The following BORCS5 variants were observed in gnomAD, a reference collection of about 807,000 sequenced individuals.
BORCS5 encodes the protein BLOC-1 related complex subunit 5.
In BORCS5, 17 loss-of-function variants were observed where a neutral mutation model predicts 22.1. The ratio of observed to expected loss-of-function variants is 0.77; its 90% CI spans 0.53 to 1.15. The LOEUF (loss-of-function observed/expected upper bound fraction) is 1.15, where lower values mean the gene tolerates loss of function less well. BORCS5 is among the 50% of genes most tolerant of loss of function. BORCS5 has a pLI of 0.00. For missense variants in BORCS5, 247 were observed against 253.2 expected (o/e 0.98, Z 0.17); for synonymous variants, 117 against 99.8 (o/e 1.17, Z -1.03).
At chr12:12,391,884 A>AC (rs1941197022) in intron 2 of BORCS5, among the ~76,000 whole-genome samples, 1 of 141,770 alleles carries the variant, frequency 7.1e-6, no homozygotes, top group Admixed American at 7.0e-5. Context: ...AAAAAAAAAA[A>AC]AACGCTAAAA....
At chr12:12,374,474 GA>G (rs764589011) in intron 2 of BORCS5, among the ~76,000 whole-genome samples, 2,096 of 131,104 alleles carry the variant, frequency 0.016, 42 homozygotes, top group African/African-American at 0.054. Flanking sequence ...CTGTACTACA[GA>G]AAAAAAAAAA....
At chr12:12,431,106 A>C (rs1304679785) in intron 2 of BORCS5, among the ~76,000 whole-genome samples, 4 of 152,196 alleles carry the variant, frequency 2.6e-5, no homozygotes, top group Non-Finnish European at 4.4e-5. Flanking sequence ...CTGTTGCATC[A>C]GAGGCTATGC....
chr12:12,405,713 G>A (rs904269274), intron 2 of BORCS5, among the ~76,000 whole-genome samples: 2 of 152,138 alleles, frequency 1.3e-5, no homozygotes, highest in East Asian at 3.8e-4. Flanking sequence ...TTATAATAAT[G>A]TTGTTTATTG....
At chr12:12,424,218 G>A (rs1215437252) in intron 2 of BORCS5, among the ~76,000 whole-genome samples, 4 of 151,990 alleles carry the variant, frequency 2.6e-5, no homozygotes, top group African/African-American at 9.7e-5. Context: ...CCTTAGATCA[G>A]TTCACTTTTC....
Position 12,357,365 on chromosome 12 carries a change from C to T in BORCS5, c.-87C>T. The T allele has an allele frequency of 1.3e-6, 2 of 1,530,740 alleles. No homozygotes were observed. Among genetic ancestry groups the T allele is most frequent in the Non-Finnish European group, 1.8e-6 (2 of 1,133,462 alleles). 94.8% of individuals were successfully genotyped at this position (1,530,740 alleles called of 1,614,324 possible). ...CCAGACTCTGCTTTGCCTCCCCGTCCCGGTCCCTGGCCCCTGCCCTGTCGC... is the reference window on the plus strand; with the variant it reads ...CCAGACTCTGCTTTGCCTCCCCGTCTCGGTCCCTGGCCCCTGCCCTGTCGC... On this transcript the variant is annotated 5_prime_UTR_variant, in exon 1 of 4. Transcript: ENST00000314565.
intron 1 of BORCS5, among the ~76,000 whole-genome samples, chr12:12,358,251 C>CT (rs1418111011): frequency 3.3e-5 from 5 of 152,226 alleles, no homozygotes; most frequent in African/African-American, 4.8e-5. Flanking sequence ...TCCGGGGTTG[C>CT]TAACGCAAAT....
chr12:12,438,385 A>AAAAAAAAAAAAAAAAAAAAAAACAC (rs1555156048), intron 3 of BORCS5, among the ~76,000 whole-genome samples: 3 of 126,146 alleles, frequency 2.4e-5, no homozygotes, highest in African/African-American at 9.8e-5. Context: ...AAAAAACGAA[A>AAAAAAAAAAAAAAAAAAAAAAACAC]AACAACAACA....
chr12:12,462,066 G>A (rs891925245), intron 3 of BORCS5, among the ~76,000 whole-genome samples: 1 of 152,252 alleles, frequency 6.6e-6, no homozygotes, highest in African/African-American at 2.4e-5. Context: ...CTGTGTGGGT[G>A]TAAGTAGTTT....
intron 2 of BORCS5, among the ~76,000 whole-genome samples, chr12:12,366,080 C>T (rs1439075565): frequency 3.9e-5 from 6 of 152,176 alleles, no homozygotes; most frequent in African/African-American, 1.4e-4. Flanking sequence ...ATCACTGTCG[C>T]CTTTATACTC....
chr12:12,457,295 G>T (rs1943014851), intron 3 of BORCS5, among the ~76,000 whole-genome samples: 1 of 152,220 alleles, frequency 6.6e-6, no homozygotes, highest in Admixed American at 6.5e-5. Context: ...TCAGTCATCT[G>T]CAGAAGCAAG....
chr12:12,430,233 C>G (rs1942388665), intron 2 of BORCS5, among the ~76,000 whole-genome samples: 1 of 146,338 alleles, frequency 6.8e-6, no homozygotes. Flanking sequence ...TCACTGCAAG[C>G]TCTGCCTCCT....
At chr12:12,452,684 G>A (rs1179428534) in intron 3 of BORCS5, among the ~76,000 whole-genome samples, 1 of 152,216 alleles carries the variant, frequency 6.6e-6, no homozygotes, top group Non-Finnish European at 1.5e-5. Context: ...GTGGTAATTG[G>A]TGCCATTCAG....
In BORCS5 at chr12:12,418,682, C is replaced by T. The variant is rs116075631; in HGVS notation, c.203-16946C>T. Among the ~76,000 whole-genome samples the T allele has an allele frequency of 2.0e-3, 309 of 152,246 alleles. 2 individuals are homozygous for T. Among genetic ancestry groups the T allele is most frequent in the African/African-American group, 7.1e-3 (297 of 41,562 alleles). ...AGCCTGGGTAACAGCGTGAGACTCT[C>T]TTTCAGTATAGCTCTTTTGGTTACT... On this transcript the variant is annotated intron_variant, in intron 2 of 3. Transcript: ENST00000314565.
In BORCS5 at chr12:12,363,437, T is replaced by C. The variant is rs192942072; in HGVS notation, c.202+2088T>C. Among the ~76,000 whole-genome samples, 480 of 151,764 alleles carry C rather than the reference T, an allele frequency of 3.2e-3. 5 individuals are homozygous for C. The highest frequency in any genetic ancestry group is 9.8e-3 in the African/African-American group (407 of 41,366). On this transcript the variant is annotated intron_variant, in intron 2 of 3. Transcript: ENST00000314565. ...CAACATGGTGAAACCCCATTTCTAC[T>C]AAAAATACAAAAAATTAGGCCGGGC...
At chr12:12,438,379 A>AAT (rs1491307081) in intron 3 of BORCS5, among the ~76,000 whole-genome samples, 1 of 121,500 alleles carries the variant, frequency 8.2e-6, no homozygotes. Flanking sequence ...AAAAAAAAAA[A>AAT]ACGAAAAACA....
chr12:12,454,557 T>C (rs181552411), intron 3 of BORCS5, among the ~76,000 whole-genome samples: 1 of 152,376 alleles, frequency 6.6e-6, no homozygotes, highest in East Asian at 1.9e-4. Context: ...TTAGGCTGAC[T>C]GCTTCCTAAT....
At chr12:12,359,361 A>T (rs901537093) in intron 1 of BORCS5, among the ~76,000 whole-genome samples, 6 of 124,720 alleles carry the variant, frequency 4.8e-5, no homozygotes, top group Non-Finnish European at 9.9e-5. Context: ...GTGAGACTTG[A>T]CTCTTTTTTT....
chr12:12,377,264 G>A lies in BORCS5; in HGVS notation c.202+15915G>A, dbSNP rs545252305. Among the ~76,000 whole-genome samples the A allele has an allele frequency of 6.7e-5, 10 of 148,980 alleles. No individual in the cohort carries two copies. In the South Asian group the frequency reaches 1.9e-3, roughly 29 times the overall value. On this transcript the variant is annotated intron_variant, in intron 2 of 3. Transcript: ENST00000314565. ...GTGATCTTGGCTCACTGCAAGCCCC[G>A]CCCCGCCAGGCTCAAGCAATTCTTC... is the stretch of plus-strand genomic sequence containing the variant.
rs1863282157 is a variant in BORCS5 at position 12,361,357 on chromosome 12, A to T, written c.202+8A>T. On this transcript the variant is annotated splice_region_variant and intron_variant, in intron 2 of 3. Transcript: ENST00000314565. Reference sequence around the variant, plus strand: ...TCCAGCCCCTTTTGAAAGGTAAAGGATTGCGTTTTGTTTTATCTGAACTTG... The same window carrying T: ...TCCAGCCCCTTTTGAAAGGTAAAGGTTTGCGTTTTGTTTTATCTGAACTTG... The T allele has an allele frequency of 6.2e-7, 1 of 1,612,176 alleles. No individual in the cohort carries two copies. Among genetic ancestry groups the T allele is most frequent in the Non-Finnish European group, 8.5e-7 (1 of 1,178,514 alleles).
Sources: gnomAD v4.1 joint callset for allele counts (sites outside exome capture counted in the v4.1 genomes callset) on GRCh38, gnomAD v4.1.1 for gene constraint, MANE v1.5 for transcripts, NCBI Gene and HGNC (gene_info 2026-07-23, HGNC 2026-07-21) for gene names.